NAV2: variants seen among roughly 807,000 people sequenced by gnomAD.
The protein encoded by NAV2 is helicase, APC down-regulated 1.
In NAV2, 54 loss-of-function variants were observed where a neutral mutation model predicts 223.2. That is an observed-to-expected ratio of 0.24 (90% CI 0.19 to 0.30). The LOEUF is 0.30. Among genes scored for constraint, NAV2 ranks in the 10% least tolerant of loss-of-function variants. NAV2 has a pLI of 1.00. For missense variants in NAV2, 2,806 were observed against 3,147.5 expected, an observed-to-expected ratio of 0.89 and a Z score of 2.60; for synonymous variants, 1,279 against 1,239.3, an observed-to-expected ratio of 1.03 and a Z score of -0.67.
At chr11:19,640,190 A>C (rs2047626156) in intron 1 of NAV2, among the ~76,000 whole-genome samples, 1 of 152,202 alleles carries the variant, frequency 6.6e-6, no homozygotes, top group Non-Finnish European at 1.5e-5. Context: ...CTTACCTGGA[A>C]TGGCATTTTC....
At chr11:19,366,731 A>T (rs16936617) in intron 1 of NAV2, among the ~76,000 whole-genome samples, 2,651 of 152,006 alleles carry the variant, frequency 0.017, 77 homozygotes, top group African/African-American at 0.058. Context: ...TTTTCAGGGA[A>T]TTTTTTTTCT....
intron 1 of NAV2, chr11:19,778,345 G>A (rs575200832): frequency 2.2e-6 from 1 of 455,830 alleles, no homozygotes; most frequent in African/African-American, 2.0e-5. Context: ...TCGGTAAAAT[G>A]GAGCAAGTTC....
intron 1 of NAV2, among the ~76,000 whole-genome samples, chr11:19,554,389 T>A: frequency 6.6e-6 from 1 of 152,132 alleles, no homozygotes; most frequent in East Asian, 1.9e-4. Flanking sequence ...TGTCTCTGGA[T>A]GTTAGAGAGC....
At chr11:19,351,063 G>T (rs781029597) in intron 1 of NAV2, 1 of 1,389,358 alleles carries the variant, frequency 7.2e-7, no homozygotes. Flanking sequence ...ATTGGATTAT[G>T]GTGCTGATTG....
At chr11:20,023,236 G>T (rs1007826134) in intron 11 of NAV2, 2 of 1,021,642 alleles carry the variant, frequency 2.0e-6, no homozygotes, top group Non-Finnish European at 2.9e-6. Flanking sequence ...AGCAGCCTGT[G>T]GTGCAGCTGC....
At chr11:20,025,816 A>G (rs1323946578) in intron 11 of NAV2, among the ~76,000 whole-genome samples, 1 of 152,240 alleles carries the variant, frequency 6.6e-6, no homozygotes, top group Admixed American at 6.5e-5. Flanking sequence ...GGCAGTAAGA[A>G]GCAAGTTCTT....
chr11:19,424,536 A>C (rs1386961470), intron 1 of NAV2, among the ~76,000 whole-genome samples: 1 of 152,106 alleles, frequency 6.6e-6, no homozygotes, highest in Non-Finnish European at 1.5e-5. Flanking sequence ...GAATAGGATT[A>C]GTTCAGTGTT....
chr11:19,916,008 C>T (rs1283123521), intron 6 of NAV2, among the ~76,000 whole-genome samples: 2 of 152,200 alleles, frequency 1.3e-5, no homozygotes, highest in African/African-American at 2.4e-5. Flanking sequence ...TCAGTTTCCT[C>T]ATCTGTAAAA....
intron 11 of NAV2, among the ~76,000 whole-genome samples, chr11:20,020,608 A>C (rs932449751): frequency 6.6e-6 from 1 of 152,254 alleles, no homozygotes; most frequent in African/African-American, 2.4e-5. Flanking sequence ...TTTTAACCAT[A>C]GAAAGAAAAC....
chr11:19,383,775 CT>C (rs1309011758), intron 1 of NAV2, among the ~76,000 whole-genome samples: 1 of 152,220 alleles, frequency 6.6e-6, no homozygotes, highest in Non-Finnish European at 1.5e-5. Flanking sequence ...CTGCTGTATA[CT>C]TGCTCAATAA....
In NAV2 at chr11:19,637,180, A is replaced by C. The variant is rs73422486; in HGVS notation, c.76-195304A>C. On this transcript the variant is annotated intron_variant, in intron 1 of 37. Transcript: ENST00000360655. ...TCCCTATCCCAACAGAAAGCTTCAA[A>C]GTACCTTCCTGGAAAACGTAGGTAG... 9.8e-3 allele frequency among the ~76,000 whole-genome samples: 1,491 copies of C among 152,304 alleles called. 23 individuals are homozygous for C. The highest frequency in any genetic ancestry group is 0.034 in the African/African-American group (1,419 of 41,556).
chr11:19,902,309 A>G (rs1379161977), intron 6 of NAV2, among the ~76,000 whole-genome samples: 1 of 152,180 alleles, frequency 6.6e-6, no homozygotes, highest in Non-Finnish European at 1.5e-5. Context: ...AGACACAAAA[A>G]TCCCTCTAAT....
intron 1 of NAV2, among the ~76,000 whole-genome samples, chr11:19,367,113 G>T (rs2729896): frequency 0.96 from 145,330 of 152,032 alleles, 69,786 homozygotes; most frequent in East Asian, 1. Flanking sequence ...GGGTCATGTG[G>T]CACCATTTGT....
intron 10 of NAV2, among the ~76,000 whole-genome samples, chr11:19,972,481 C>T (rs2049332689): frequency 6.6e-6 from 1 of 152,130 alleles, no homozygotes; most frequent in Non-Finnish European, 1.5e-5. Flanking sequence ...TTTTGAATCC[C>T]ATTTAGAATA....
At chr11:19,693,961 G>A (rs1235517221) in intron 1 of NAV2, among the ~76,000 whole-genome samples, 1 of 152,202 alleles carries the variant, frequency 6.6e-6, no homozygotes, top group African/African-American at 2.4e-5. Context: ...AGTTGTTATA[G>A]ACAATTTCAT....
At chr11:19,803,118 G>A (rs2058361726) in intron 1 of NAV2, among the ~76,000 whole-genome samples, 1 of 152,168 alleles carries the variant, frequency 6.6e-6, no homozygotes, top group Non-Finnish European at 1.5e-5. Context: ...TGCTGTGGGA[G>A]GAGGCTGCCA....
chr11:19,486,497 T>TGTAAGTGAGTGATA (rs1318087910), intron 1 of NAV2, among the ~76,000 whole-genome samples: 1 of 152,194 alleles, frequency 6.6e-6, no homozygotes, highest in Non-Finnish European at 1.5e-5. Flanking sequence ...ACTCTCATGC[T>TGTAAGTGAGTGATA]GTTCTCGTGA....
chr11:19,985,990 A>T (rs2050763464), intron 11 of NAV2, among the ~76,000 whole-genome samples: 1 of 152,184 alleles, frequency 6.6e-6, no homozygotes, highest in Non-Finnish European at 1.5e-5. Context: ...AGATTTGACA[A>T]TTTGCCAAAT....
Position 19,656,249 on chromosome 11 carries a change from T to C in NAV2, c.76-176235T>C, listed in dbSNP as rs150390668. Among the ~76,000 whole-genome samples, 626 of 152,212 alleles carry C rather than the reference T, an allele frequency of 4.1e-3. 3 individuals are homozygous for C. Among genetic ancestry groups the C allele is most frequent in the African/African-American group, 0.014 (589 of 41,506 alleles). ...CAGGGAGAAGAGCTGCAGGAGGCGC[T>C]CTGGGGCCAATTCTCAACAGCAAAG... On this transcript the variant is annotated intron_variant, in intron 1 of 37. Transcript: ENST00000360655.
Sources: allele counts gnomAD v4.1 joint callset (sites outside exome capture counted in the v4.1 genomes callset), GRCh38; gene constraint gnomAD v4.1.1; transcripts MANE v1.5; gene names NCBI Gene and HGNC (gene_info 2026-07-23, HGNC 2026-07-21).